SGK3: variants seen among roughly 807,000 people sequenced by gnomAD.
The protein encoded by SGK3 is serum/glucocorticoid regulated kinase family member 3.
SGK3 carries 47 observed loss-of-function variants against 68.5 expected under a neutral mutation model. The ratio of observed to expected loss-of-function variants is 0.69; its 90% CI spans 0.54 to 0.87. The LOEUF (loss-of-function observed/expected upper bound fraction) is 0.87. SGK3 is among the 40% of genes least tolerant of loss of function. The pLI is 0.00. For missense variants in SGK3, 479 were observed against 575.5 expected, an observed-to-expected ratio of 0.83 and a Z score of 1.72; for synonymous variants, 181 against 189.1, an observed-to-expected ratio of 0.96 and a Z score of 0.35.
intron 1 of SGK3, among the ~76,000 whole-genome samples, chr8:66,791,026 A>C (rs1273417633): frequency 6.6e-6 from 1 of 152,174 alleles, no homozygotes; most frequent in African/African-American, 2.4e-5. Context: ...CTGTTAACTA[A>C]GATGTTGTGG....
chr8:66,859,767 G>T lies in SGK3; in HGVS notation c.*186G>T. 4 of 588,520 alleles carry T rather than the reference G, an allele frequency of 6.8e-6. No individual in the cohort carries two copies. The highest frequency in any genetic ancestry group is 6.8e-5 in the East Asian group (2 of 29,622). 36.5% of individuals were successfully genotyped at this position (588,520 alleles called of 1,614,324 possible). ...ATAGGGCATTTCAAAGAGCTGTTTT[G>T]ATTAAAATTTATATTCTTGTTTAAT... On this transcript the variant is annotated 3_prime_UTR_variant, in exon 17 of 17. Transcript: ENST00000521198.
intron 1 of SGK3, among the ~76,000 whole-genome samples, chr8:66,786,181 A>G (rs1287890172): frequency 6.6e-6 from 1 of 152,080 alleles, no homozygotes; most frequent in Non-Finnish European, 1.5e-5. Context: ...TTGCTTTTTC[A>G]TTTTACTTTT....
chr8:66,795,191 G>A (rs966930349), intron 2 of SGK3, among the ~76,000 whole-genome samples: 2 of 152,158 alleles, frequency 1.3e-5, no homozygotes, highest in Non-Finnish European at 2.9e-5. Flanking sequence ...GCTGAGTGCC[G>A]GAAAATGATG....
intron 8 of SGK3, among the ~76,000 whole-genome samples, chr8:66,832,180 G>A (rs953251420): frequency 2.0e-5 from 3 of 152,112 alleles, no homozygotes; most frequent in African/African-American, 4.8e-5. Flanking sequence ...TTTTCTTATG[G>A]TGTCAGATGA....
chr8:66,770,892 T>C (rs1806488600), intron 1 of SGK3, among the ~76,000 whole-genome samples: 1 of 152,218 alleles, frequency 6.6e-6, no homozygotes, highest in South Asian at 2.1e-4. Context: ...TCTGCTGGGC[T>C]CTCCTTCATT....
chr8:66,839,537 A>ATG (rs1809698390), intron 10 of SGK3, among the ~76,000 whole-genome samples: 2 of 76,090 alleles, frequency 2.6e-5, no homozygotes, highest in African/African-American at 5.6e-5. Flanking sequence ...ATATATATAT[A>ATG]TATATATATA....
intron 1 of SGK3, among the ~76,000 whole-genome samples, chr8:66,716,313 G>A (rs906088386): frequency 3.9e-5 from 6 of 152,120 alleles, no homozygotes; most frequent in African/African-American, 9.7e-5. Context: ...TGTCATTGCC[G>A]AGGAAGACAA....
intron 1 of SGK3, among the ~76,000 whole-genome samples, chr8:66,759,199 C>T (rs1436042964): frequency 6.6e-6 from 1 of 151,050 alleles, no homozygotes; most frequent in Non-Finnish European, 1.5e-5. Flanking sequence ...GATTCTCCTG[C>T]CTCAGCCTCC....
intron 3 of SGK3, among the ~76,000 whole-genome samples, chr8:66,801,629 G>A (rs1474847992): frequency 6.6e-6 from 1 of 151,868 alleles, no homozygotes; most frequent in Non-Finnish European, 1.5e-5. Context: ...GTCTGTCTCT[G>A]TCTCTGTGTC....
Position 66,793,640 on chromosome 8 carries a change from A to T in SGK3, c.-97A>T. The T allele has an allele frequency of 9.0e-7, 1 of 1,111,730 alleles. No individual in the cohort carries two copies. The highest frequency in any genetic ancestry group is 1.2e-6 in the Non-Finnish European group (1 of 805,078). The allele number at this position is 1,111,730 out of a possible 1,614,324, so 68.9% of individuals were successfully genotyped here. ...GGTTGCATGATGGAATTTGAACATT[A>T]CTTCAAGAGGTTTTGTATTTTGGAT... is the stretch of plus-strand genomic sequence containing the variant. On this transcript the variant is annotated 5_prime_UTR_variant, in exon 2 of 17. Transcript: ENST00000521198.
intron 1 of SGK3, among the ~76,000 whole-genome samples, chr8:66,785,128 ACTTT>A (rs1807147415): frequency 6.6e-6 from 1 of 152,180 alleles, no homozygotes; most frequent in East Asian, 1.9e-4. Context: ...CCTGTGCGTG[ACTTT>A]CTTTCTGTAA....
intron 1 of SGK3, among the ~76,000 whole-genome samples, chr8:66,714,362 A>G (rs1263233246): frequency 6.6e-6 from 1 of 152,216 alleles, no homozygotes; most frequent in Admixed American, 6.5e-5. Context: ...TTTCAGAATA[A>G]CATGCCCTCT....
intron 1 of SGK3, among the ~76,000 whole-genome samples, chr8:66,733,060 T>A (rs1348852688): frequency 6.6e-6 from 1 of 152,120 alleles, no homozygotes; most frequent in Non-Finnish European, 1.5e-5. Context: ...GTGTGCATGG[T>A]ACATATAGCC....
At chr8:66,751,676 C>T (rs74899646) in intron 1 of SGK3, among the ~76,000 whole-genome samples, 4,029 of 152,106 alleles carry the variant, frequency 0.026, 192 homozygotes, top group African/African-American at 0.09. Context: ...GTAATACTAT[C>T]TTGCTTCACT....
chr8:66,846,060 C>T (rs1016429852), intron 14 of SGK3, among the ~76,000 whole-genome samples: 3 of 151,834 alleles, frequency 2.0e-5, no homozygotes, highest in Non-Finnish European at 2.9e-5. Flanking sequence ...ATATTAGAGA[C>T]CAGTCCTCTG....
intron 16 of SGK3, among the ~76,000 whole-genome samples, chr8:66,855,107 A>T (rs1810456290): frequency 6.6e-6 from 1 of 152,216 alleles, no homozygotes; most frequent in Admixed American, 6.5e-5. Context: ...TTTTGTGTAT[A>T]ATCTTTAAGT....
At chr8:66,729,581 T>C (rs1019960054) in intron 1 of SGK3, among the ~76,000 whole-genome samples, 2 of 152,236 alleles carry the variant, frequency 1.3e-5, no homozygotes, top group Non-Finnish European at 2.9e-5. Context: ...AATACTGCTA[T>C]GAATATTTTT....
intron 10 of SGK3, among the ~76,000 whole-genome samples, chr8:66,839,559 T>A (rs5013998): frequency 0.042 from 2,918 of 69,938 alleles, 189 homozygotes; most frequent in African/African-American, 0.11. Flanking sequence ...ATATATATAT[T>A]TTCATATGGG....
rs780537964 is a variant in SGK3, at chr8:66,847,300, ACTC to A, written c.1185_1187del (p.Leu396del). ...TTACAGCCTGGTCCATTCTGGAAGA[ACTC>A]CTAGAAAAAGACAGGCAAAATCGAC... On this transcript the variant is annotated inframe_deletion, in exon 15 of 17. Coordinates refer to ENST00000521198, the MANE Select transcript of SGK3 (RefSeq NM_001033578.3). 1 of 1,613,804 alleles carries A rather than the reference ACTC, an allele frequency of 6.2e-7. No homozygotes were observed. Among genetic ancestry groups the A allele is most frequent in the Non-Finnish European group, 8.5e-7 (1 of 1,179,958 alleles).
Sources: allele counts gnomAD v4.1 joint callset (sites outside exome capture counted in the v4.1 genomes callset), GRCh38; gene constraint gnomAD v4.1.1; transcripts MANE v1.5; gene names NCBI Gene and HGNC (gene_info 2026-07-23, HGNC 2026-07-21).